The following PLA2G15 variants were observed in gnomAD, a reference collection of about 807,000 sequenced individuals.
The protein encoded by PLA2G15 is phospholipase A2 group XV.
A neutral mutation model predicts 40.9 loss-of-function variants in PLA2G15; 20 were observed. That is an observed-to-expected ratio of 0.49 (90% CI 0.34 to 0.71). The LOEUF (loss-of-function observed/expected upper bound fraction) is 0.71, where lower values mean the gene tolerates loss of function less well. PLA2G15 is among the 30% of genes least tolerant of loss of function. PLA2G15 has a pLI of 0.01. For synonymous variants in PLA2G15, 223 were observed against 228.2 expected (o/e 0.98, Z 0.21); for missense variants, 471 against 541.9 (o/e 0.87, Z 1.30).
At position 68,255,183 on chromosome 16, in the gene PLA2G15, T is replaced by C; in HGVS notation, c.404-99T>C. 1 of 1,038,342 alleles carries C rather than the reference T, an allele frequency of 9.6e-7. No individual in the cohort carries two copies. Among genetic ancestry groups the C allele is most frequent in the Non-Finnish European group, 1.5e-6 (1 of 666,412 alleles). The allele number at this position is 1,038,342 out of a possible 1,614,324, so 64.3% of individuals were successfully genotyped here. ...TGGGCACAGAGCCCTGTAGCATTCTTCCAAGGACCTGCTAGCTGTCACAGT... is the reference window on the plus strand; with the variant it reads ...TGGGCACAGAGCCCTGTAGCATTCTCCCAAGGACCTGCTAGCTGTCACAGT... On this transcript the variant is annotated intron_variant, in intron 3 of 5. Transcript: ENST00000219345. This position sits in a 1 kb window ranked among gnomAD's most constrained non-coding sequence, Gnocchi z 5.9.
chr16:68,255,806 C>G lies in PLA2G15; in HGVS notation c.543C>G (p.Ile181Met), dbSNP rs1275857328. ...GPYFLALREMIEEMYQLYGGP... is the reference protein window; with the variant it reads ...GPYFLALREMMEEMYQLYGGP... ...ACTTCCTGGCCCTCCGCGAGATGATCGAGGAGATGTACCAGCTGTATGGGG... is the reference window on the plus strand; with the variant it reads ...ACTTCCTGGCCCTCCGCGAGATGATGGAGGAGATGTACCAGCTGTATGGGG... Residue 181 changes from isoleucine (I) to methionine (M), a missense_variant, in exon 5 of 6, where the codon ATC (isoleucine) becomes ATG (methionine). Transcript: ENST00000219345. The surrounding 1 kb of genome is among the most constrained non-coding windows in gnomAD (Gnocchi z 5.9). 1 of 1,614,170 alleles carries G rather than the reference C, an allele frequency of 6.2e-7. No homozygotes were observed. Among genetic ancestry groups the G allele is most frequent in the East Asian group, 2.2e-5 (1 of 44,888 alleles).
chr16:68,259,900 C>T lies in PLA2G15; in HGVS notation c.*243C>T. On this transcript the variant is annotated 3_prime_UTR_variant, in exon 6 of 6. Transcript: ENST00000219345. This position sits in a 1 kb window ranked among gnomAD's most constrained non-coding sequence, Gnocchi z 6.5. ...GGCAAGAATGCTGCTGATGGTGGAA[C>T]TGCTGTGACCTTAGGACTGGCTCCA... is the stretch of plus-strand genomic sequence containing the variant. 3 of 565,020 alleles carry T rather than the reference C, an allele frequency of 5.3e-6. No homozygotes were observed. Among genetic ancestry groups the T allele is most frequent in the Non-Finnish European group, 9.5e-6 (3 of 316,282 alleles). The allele number at this position is 565,020 out of a possible 1,614,324, so 35.0% of individuals were successfully genotyped here.
Position 68,249,363 on chromosome 16 carries a change from G to T in PLA2G15, c.201G>T (p.Lys67Asn), listed in dbSNP as rs770312224. The change falls in exon 2 of 6, where the codon AAG (lysine) becomes AAT (asparagine). Residue 67 changes from lysine to asparagine, a missense_variant. By Grantham distance (94) the Lys-to-Asn change is moderately conservative. Coordinates refer to ENST00000219345, the MANE Select transcript of PLA2G15 (RefSeq NM_012320.4). ...CAGTGGTGCACTACCTCTGCTCCAA[G>T]AAGACCGAAAGCTACTTCACAATCT... ...KPTVVHYLCS[K>N]KTESYFTIWL... is the part of the protein sequence containing the mutation. 1 of 1,614,150 alleles carries T rather than the reference G, an allele frequency of 6.2e-7. No homozygotes were observed. Among genetic ancestry groups the T allele is most frequent in the South Asian group, 1.1e-5 (1 of 91,088 alleles).
chr16:68,255,721 T>C lies in PLA2G15; in HGVS notation c.503-45T>C, dbSNP rs1356403566. 5.9e-6 allele frequency: 9 copies of C among 1,529,684 alleles called. No individual in the cohort carries two copies. Among genetic ancestry groups the C allele is most frequent in the Non-Finnish European group, 8.2e-6 (9 of 1,103,252 alleles). 94.8% of individuals were successfully genotyped at this position (1,529,684 alleles called of 1,614,324 possible). On this transcript the variant is annotated intron_variant, in intron 4 of 5. Coordinates refer to ENST00000219345, the MANE Select transcript of PLA2G15 (RefSeq NM_012320.4). The surrounding 1 kb of genome is among the most constrained non-coding windows in gnomAD (Gnocchi z 5.9). ...CTGAGAAAAGCTCAGTGGTTCCGGC[T>C]CCAGGACCCTTCCCACCTGACCCCT...
At chr16:68,254,132 G>T (rs1041741857) in intron 2 of PLA2G15, among the ~76,000 whole-genome samples, 38 of 152,094 alleles carry the variant, frequency 2.5e-4, no homozygotes, top group African/African-American at 7.7e-4. Flanking sequence ...TGAAGTTCAC[G>T]GCAGAATCAG....
intron 2 of PLA2G15, chr16:68,253,537 G>A (rs2042372298): frequency 2.7e-6 from 1 of 374,592 alleles, no homozygotes; most frequent in Admixed American, 3.2e-5. Context: ...ACCATGCCTG[G>A]TTAATTTTTG....
At chr16:68,253,568 T>C (rs1004283754) in intron 2 of PLA2G15, 1 of 341,896 alleles carries the variant, frequency 2.9e-6, no homozygotes, top group Non-Finnish European at 5.9e-6. Flanking sequence ...AGAGATGGGG[T>C]TTCACCCTGT....
chr16:68,260,408 C>T lies in PLA2G15; in HGVS notation c.*751C>T, dbSNP rs756165756. On this transcript the variant is annotated 3_prime_UTR_variant, in exon 6 of 6. Coordinates refer to ENST00000219345, the MANE Select transcript of PLA2G15 (RefSeq NM_012320.4). ...TGATTTCCTCGGATGTGCTATTGGC[C>T]CCAGGACTGAAGCTGCCTCCCTTCA... is the stretch of plus-strand genomic sequence containing the variant. 5 of 152,786 alleles carry T rather than the reference C, an allele frequency of 3.3e-5. No individual in the cohort carries two copies. The highest frequency in any genetic ancestry group is 2.9e-5 in the Non-Finnish European group (2 of 68,200). 9.5% of individuals were successfully genotyped at this position (152,786 alleles called of 1,614,324 possible). A position where few individuals can be genotyped will look rare whatever the true frequency, so the allele number is the denominator to read the frequency against.
In PLA2G15 at chr16:68,255,434, G is replaced by T; in HGVS notation, c.502+54G>T. On this transcript the variant is annotated intron_variant, in intron 4 of 5. Transcript: ENST00000219345. The surrounding 1 kb of genome is among the most constrained non-coding windows in gnomAD (Gnocchi z 5.9). ...ACGTCTCGGGAGGTAGGGGTGAGGT[G>T]ATCATGGGCACCACAGACCTTGGGC... 1 of 1,241,972 alleles carries T rather than the reference G, an allele frequency of 8.1e-7. No individual in the cohort carries two copies. Among genetic ancestry groups the T allele is most frequent in the South Asian group, 1.4e-5 (1 of 73,442 alleles). The allele number at this position is 1,241,972 out of a possible 1,614,324, so 76.9% of individuals were successfully genotyped here. A position where few individuals can be genotyped will look rare whatever the true frequency, so the allele number is the denominator to read the frequency against.
intron 1 of PLA2G15, chr16:68,248,777 A>G: frequency 1.0e-6 from 1 of 958,764 alleles, no homozygotes; most frequent in Non-Finnish European, 1.2e-6. Flanking sequence ...TCCCAGGCAG[A>G]GCTCCCATCG....
In PLA2G15 at chr16:68,259,172, G is replaced by C. The variant is rs947303824; in HGVS notation, c.754G>C (p.Gly252Arg). The change falls in exon 6 of 6, where the codon GGG becomes CGG. Residue 252 changes from glycine (G) to arginine (R), a missense_variant. Physicochemically the swap from Gly to Arg is moderately radical, Grantham distance 125. Transcript: ENST00000219345. This position sits in a 1 kb window ranked among gnomAD's most constrained non-coding sequence, Gnocchi z 6.5. The part of the protein sequence containing the change: ...SGDNNRIPVI[G>R]PLKIREQQRS... ...AGACAACAACCGGATCCCAGTCATC[G>C]GGCCCCTGAAGATCCGGGAGCAGCA... 1.9e-6 allele frequency: 3 copies of C among 1,613,366 alleles called. No individual in the cohort carries two copies. Among genetic ancestry groups the C allele is most frequent in the South Asian group, 2.2e-5 (2 of 91,052 alleles).
At position 68,255,911 on chromosome 16, in the gene PLA2G15, G is replaced by A; in HGVS notation, c.648G>A (p.Lys216=). The part of the protein sequence containing the change: ...YFLQRQPQAW[K]DKYIRAFVSL... ...TGCAGCGGCAGCCGCAGGCCTGGAA[G>A]GACAAGTATATCCGGGCCTTCGTGT... Residue 216 remains lysine (K), a synonymous_variant, in exon 5 of 6, where the codon AAG becomes AAA. Transcript: ENST00000219345. The surrounding 1 kb of genome is among the most constrained non-coding windows in gnomAD (Gnocchi z 5.9). 4 of 1,613,696 alleles carry A rather than the reference G, an allele frequency of 2.5e-6. No individual in the cohort carries two copies. The highest frequency in any genetic ancestry group is 2.2e-5 in the East Asian group (1 of 44,880).
chr16:68,252,038 C>T (rs550698957), intron 2 of PLA2G15, among the ~76,000 whole-genome samples: 1 of 152,110 alleles, frequency 6.6e-6, no homozygotes, highest in Non-Finnish European at 1.5e-5. Flanking sequence ...GGGACACAGC[C>T]TCAGGTGCTG....
intron 5 of PLA2G15, among the ~76,000 whole-genome samples, chr16:68,257,231 G>A (rs1031390428): frequency 1.3e-5 from 2 of 152,000 alleles, no homozygotes; most frequent in Admixed American, 1.3e-4. Flanking sequence ...CACCATTTTG[G>A]TCAGGCTGGT....
At position 68,259,548 on chromosome 16, in the gene PLA2G15, G is replaced by A. The variant is rs763293807; in HGVS notation, c.1130G>A (p.Arg377His). 38 of 1,613,162 alleles carry A rather than the reference G, an allele frequency of 2.4e-5. No individual in the cohort carries two copies. The highest frequency in any genetic ancestry group is 1.3e-4 in the East Asian group (6 of 44,896). ...SALQCQAWQS[R>H]QEHQVLLQEL... Reference sequence around the variant, plus strand: ...CTGCAGTGCCAGGCCTGGCAGAGCCGCCAGGAGCACCAAGTGTTGCTGCAG... The same window carrying A: ...CTGCAGTGCCAGGCCTGGCAGAGCCACCAGGAGCACCAAGTGTTGCTGCAG... Residue 377 changes from arginine to histidine, a missense_variant, in exon 6 of 6, where the codon CGC (arginine) becomes CAC (histidine). Coordinates refer to ENST00000219345, the MANE Select transcript of PLA2G15 (RefSeq NM_012320.4). The surrounding 1 kb of genome is among the most constrained non-coding windows in gnomAD (Gnocchi z 6.5).
chr16:68,249,689 T>A (rs1271296773), intron 2 of PLA2G15, among the ~76,000 whole-genome samples: 1 of 152,142 alleles, frequency 6.6e-6, no homozygotes, highest in Non-Finnish European at 1.5e-5. Flanking sequence ...ACACACAATT[T>A]TTTTTTTCTT....
chr16:68,247,564 C>T (rs1316775816), intron 1 of PLA2G15, among the ~76,000 whole-genome samples: 9 of 152,320 alleles, frequency 5.9e-5, no homozygotes, highest in Non-Finnish European at 1.3e-4. Flanking sequence ...ACCATTTCCC[C>T]TTTGGTAGAG....
At position 68,259,847 on chromosome 16, in the gene PLA2G15, G is replaced by C. The variant is rs1010615371; in HGVS notation, c.*190G>C. ...CTGTGGCAGTGAAGAAGGAAGAAAT[G>C]AGAGTCTAGACTCAAGGGACACTGG... is the stretch of plus-strand genomic sequence containing the variant. On this transcript the variant is annotated 3_prime_UTR_variant, in exon 6 of 6. Transcript: ENST00000219345. This position sits in a 1 kb window ranked among gnomAD's most constrained non-coding sequence, Gnocchi z 6.5. 1.1e-4 allele frequency: 70 copies of C among 615,594 alleles called. No homozygotes were observed. The highest frequency in any genetic ancestry group is 1.9e-4 in the Non-Finnish European group (67 of 351,560). 38.1% of individuals were successfully genotyped at this position (615,594 alleles called of 1,614,324 possible).
At chr16:68,248,537 C>A in intron 1 of PLA2G15, 1 of 190,050 alleles carries the variant, frequency 5.3e-6, no homozygotes, top group Non-Finnish European at 1.1e-5. Flanking sequence ...AGGTGTGTGC[C>A]ACCACACCAA....
Sources: gnomAD v4.1 joint callset for allele counts (sites outside exome capture counted in the v4.1 genomes callset) on GRCh38, gnomAD v4.1.1 for gene constraint, Gnocchi (gnomAD v3.1) non-coding constraint, MANE v1.5 for transcripts, NCBI Gene and HGNC (gene_info 2026-07-23, HGNC 2026-07-21) for gene names.